The following TUSC3 variants were observed in gnomAD, a reference collection of about 807,000 sequenced individuals.
TUSC3 encodes tumor suppressor candidate 3.
In TUSC3, 45 loss-of-function variants were observed where a neutral mutation model predicts 44.8. The observed-to-expected ratio is 1.00, with a 90% CI of 0.79 to 1.29. The LOEUF (loss-of-function observed/expected upper bound fraction) is 1.29, where lower values mean the gene tolerates loss of function less well. TUSC3 is among the 50% of genes most tolerant of loss of function. The pLI, the probability that TUSC3 is intolerant of heterozygous loss-of-function variation, is 0.00. For synonymous variants in TUSC3, 212 were observed against 152.9 expected, an observed-to-expected ratio of 1.39 and a Z score of -2.85; for missense variants, 519 against 437.9, an observed-to-expected ratio of 1.19 and a Z score of -1.65.
At chr8:15,646,751 C>G (rs966884928) in intron 2 of TUSC3, among the ~76,000 whole-genome samples, 1 of 152,030 alleles carries the variant, frequency 6.6e-6, no homozygotes, top group Non-Finnish European at 1.5e-5. Context: ...GATGATCCTA[C>G]CAGAGAATGT....
intron 6 of TUSC3, among the ~76,000 whole-genome samples, chr8:15,678,123 G>T (rs899364939): frequency 6.6e-6 from 1 of 152,140 alleles, no homozygotes; most frequent in East Asian, 1.9e-4. Context: ...CCTGTGTAGG[G>T]CATGTATGTC....
At chr8:15,483,361 A>G in intron 1 of TUSC3, 1 of 222,488 alleles carries the variant, frequency 4.5e-6, no homozygotes, top group Admixed American at 4.3e-5. Flanking sequence ...TTTTTTTGAG[A>G]CGGAGTTTCA....
At chr8:15,601,368 A>T (rs1271402989) in intron 1 of TUSC3, among the ~76,000 whole-genome samples, 1 of 151,638 alleles carries the variant, frequency 6.6e-6, no homozygotes, top group Non-Finnish European at 1.5e-5. Context: ...CAAGTGTCTA[A>T]AGCAACGGGT....
chr8:15,851,866 A>T, the TUSC3 span, among the ~76,000 whole-genome samples: 4 of 152,090 alleles, frequency 2.6e-5, no homozygotes, highest in Non-Finnish European at 5.9e-5. Flanking sequence ...ACCCAGTGGG[A>T]GATAACTGAA....
chr8:15,549,191 T>A (rs1341418309), intron 1 of TUSC3, among the ~76,000 whole-genome samples: 1 of 151,824 alleles, frequency 6.6e-6, no homozygotes, highest in Non-Finnish European at 1.5e-5. Context: ...ATTTTATTTT[T>A]TGAGACGGAG....
chr8:15,836,260 G>GA, the TUSC3 span, among the ~76,000 whole-genome samples: 1 of 151,664 alleles, frequency 6.6e-6, no homozygotes, highest in Non-Finnish European at 1.5e-5. Flanking sequence ...TGGAATGCTT[G>GA]AGGTCAGGAG....
chr8:15,538,791 G>C (rs925604645), upstream of TUSC3, among the ~76,000 whole-genome samples: 1 of 151,876 alleles, frequency 6.6e-6, no homozygotes, highest in Admixed American at 6.6e-5. Flanking sequence ...AGTTGTTGCA[G>C]ATATCTTGAA....
intron 2 of TUSC3, among the ~76,000 whole-genome samples, chr8:15,485,918 G>A (rs1304595138): frequency 1.3e-5 from 2 of 151,998 alleles, no homozygotes; most frequent in Admixed American, 1.3e-4. Context: ...AGCCTCCTGA[G>A]CAGCTGGGAT....
intron 1 of TUSC3, among the ~76,000 whole-genome samples, chr8:15,586,227 G>A (rs1422854104): frequency 6.6e-6 from 1 of 151,886 alleles, no homozygotes; most frequent in African/African-American, 2.4e-5. Flanking sequence ...AGGACTGAAT[G>A]TTGTGAGTTA....
At chr8:15,469,956 A>C (rs920224871) in intron 1 of TUSC3, among the ~76,000 whole-genome samples, 1 of 152,164 alleles carries the variant, frequency 6.6e-6, no homozygotes, top group African/African-American at 2.4e-5. Context: ...TTATGAAGAC[A>C]GTAAAGAGAT....
chr8:15,538,322 T>C (rs887934770), upstream of TUSC3, among the ~76,000 whole-genome samples: 1 of 152,224 alleles, frequency 6.6e-6, no homozygotes, highest in African/African-American at 2.4e-5. Flanking sequence ...TTATGAATTG[T>C]TGTTTGCTGA....
At chr8:15,459,832 T>TTG (rs35529446) in intron 1 of TUSC3, among the ~76,000 whole-genome samples, 9,127 of 148,520 alleles carry the variant, frequency 0.061, 319 homozygotes, top group Middle Eastern at 0.09. Flanking sequence ...AGTATTCCAT[T>TTG]TGTGTGTGTG....
chr8:15,692,035 C>T (rs369534168), intron 6 of TUSC3, among the ~76,000 whole-genome samples: 1 of 152,126 alleles, frequency 6.6e-6, no homozygotes, highest in Non-Finnish European at 1.5e-5. Flanking sequence ...CCCACCACGG[C>T]TTCCCAAAGT....
downstream of TUSC3, among the ~76,000 whole-genome samples, chr8:15,769,686 A>C (rs1432128857): frequency 6.6e-6 from 1 of 152,226 alleles, no homozygotes; most frequent in Non-Finnish European, 1.5e-5. Flanking sequence ...TCCATCTGAC[A>C]AAGGGCTAAT....
intron 2 of TUSC3, among the ~76,000 whole-genome samples, chr8:15,628,627 G>C (rs1475617318): frequency 6.6e-6 from 1 of 152,120 alleles, no homozygotes; most frequent in African/African-American, 2.4e-5. Context: ...GGAAGGTGAG[G>C]AGCAGGTTCA....
intron 2 of TUSC3, among the ~76,000 whole-genome samples, chr8:15,486,122 A>T (rs1185225714): frequency 6.6e-6 from 1 of 152,162 alleles, no homozygotes; most frequent in Non-Finnish European, 1.5e-5. Context: ...GAATTGAATA[A>T]CAGATGCACA....
At chr8:15,480,135 G>C (rs1180115779) in intron 1 of TUSC3, among the ~76,000 whole-genome samples, 1 of 152,080 alleles carries the variant, frequency 6.6e-6, no homozygotes, top group Non-Finnish European at 1.5e-5. Context: ...GAAAGTAAAG[G>C]ACCTATTCAA....
intron 6 of TUSC3, among the ~76,000 whole-genome samples, chr8:15,700,626 A>G (rs1482402763): frequency 6.6e-6 from 1 of 152,100 alleles, no homozygotes; most frequent in Non-Finnish European, 1.5e-5. Context: ...TGAGGCTAGA[A>G]AGATAATTTG....
intron 1 of TUSC3, among the ~76,000 whole-genome samples, chr8:15,568,911 A>C (rs1423927769): frequency 6.6e-6 from 1 of 151,748 alleles, no homozygotes; most frequent in Non-Finnish European, 1.5e-5. Flanking sequence ...TCTAAGCTTT[A>C]ACCTCATGGT....
Sources: gnomAD v4.1 joint callset for allele counts (sites outside exome capture counted in the v4.1 genomes callset) on GRCh38, gnomAD v4.1.1 for gene constraint, MANE v1.5 for transcripts, NCBI Gene and HGNC (gene_info 2026-07-23, HGNC 2026-07-21) for gene names.